The following PDS5B variants were observed in gnomAD, a reference collection of about 807,000 sequenced individuals.
PDS5B encodes the protein PDS5 cohesin associated factor B, also known as sister chromatid cohesion protein PDS5 homolog B.
In PDS5B, 51 loss-of-function variants were observed where a neutral mutation model predicts 184.1. The ratio of observed to expected loss-of-function variants is 0.28; its 90% CI spans 0.22 to 0.35. The LOEUF (loss-of-function observed/expected upper bound fraction) is 0.35, where lower values mean the gene tolerates loss of function less well. PDS5B is among the 10% of genes least tolerant of loss of function. The pLI is 1.00. For missense variants in PDS5B, 1,180 were observed against 1,723.3 expected (o/e 0.68, Z 5.58); for synonymous variants, 566 against 569.2 (o/e 0.99, Z 0.08).
chr13:32,653,069 C>T (rs1159006426), intron 3 of PDS5B, among the ~76,000 whole-genome samples: 3 of 152,018 alleles, frequency 2.0e-5, no homozygotes, highest in Non-Finnish European at 2.9e-5. Flanking sequence ...TGAGGTGGGC[C>T]GATCACCTGA....
intron 7 of PDS5B, 33 bp downstream of exon 7, chr13:32,667,877 A>G: frequency 7.7e-7 from 1 of 1,298,240 alleles, no homozygotes; most frequent in African/African-American, 1.5e-5. Flanking sequence ...TGTCAGAAGG[A>G]TTAAACTGAA....
At chr13:32,664,666 C>G (rs1475139149) in intron 6 of PDS5B, among the ~76,000 whole-genome samples, 1 of 152,050 alleles carries the variant, frequency 6.6e-6, no homozygotes, top group Non-Finnish European at 1.5e-5. Context: ...GAGTTTGAGA[C>G]CAGCCTGAAC....
At chr13:32,597,562 A>G (rs1176181006) in intron 1 of PDS5B, among the ~76,000 whole-genome samples, 1 of 146,482 alleles carries the variant, frequency 6.8e-6, no homozygotes, top group Non-Finnish European at 1.5e-5. Context: ...GCAGTGGCCC[A>G]TGCCTGTAAT....
intron 20 of PDS5B, among the ~76,000 whole-genome samples, chr13:32,733,006 T>C (rs1259369685): frequency 6.6e-6 from 1 of 152,198 alleles, no homozygotes; most frequent in Non-Finnish European, 1.5e-5. Flanking sequence ...AGAAAAGTAG[T>C]ATATCCTCCA....
chr13:32,613,641 TATC>T (rs1172664477), intron 1 of PDS5B, among the ~76,000 whole-genome samples: 1 of 152,260 alleles, frequency 6.6e-6, no homozygotes, highest in African/African-American at 2.4e-5. Flanking sequence ...ACAAGTGCCT[TATC>T]ATATATATGA....
chr13:32,776,520 T>C lies in PDS5B; in HGVS notation c.*1468T>C, dbSNP rs551862417. ...AAACTGTATTTTGAACCAAAACATA[T>C]AGGTTACTACTTAATGCTTACCTAA... On this transcript the variant is annotated 3_prime_UTR_variant, in exon 35 of 35. Transcript: ENST00000315596. 2.0e-5 allele frequency: 3 copies of C among 152,196 alleles called. No individual in the cohort carries two copies. Among genetic ancestry groups the C allele is most frequent in the South Asian group, 4.1e-4 (2 of 4,828 alleles). The allele number at this position is 152,196 out of a possible 1,614,324, so 9.4% of individuals were successfully genotyped here. A position where few individuals can be genotyped will look rare whatever the true frequency, so the allele number is the denominator to read the frequency against.
intron 19 of PDS5B, among the ~76,000 whole-genome samples, chr13:32,727,935 A>T (rs902886309): frequency 2.0e-5 from 3 of 151,328 alleles, no homozygotes; most frequent in African/African-American, 7.3e-5. Flanking sequence ...TGACTACTTG[A>T]TACTGTCTTA....
At chr13:32,596,071 A>T (rs2057861504) in intron 1 of PDS5B, among the ~76,000 whole-genome samples, 1 of 152,208 alleles carries the variant, frequency 6.6e-6, no homozygotes, top group African/African-American at 2.4e-5. Flanking sequence ...TTTTATTTTT[A>T]TTGAGGTGTA....
In PDS5B at chr13:32,706,940, T is replaced by A; in HGVS notation, c.1863T>A (p.Leu621=). ...VHIDTESISA[L]IKQVNKSIDG... ...TTTTTTGGTCATATTTTAGTGCTCT[T>A]ATTAAACAAGTGAACAAATCAATAG... Residue 621 remains leucine (L), a synonymous_variant, in exon 18 of 35, where the codon CTT becomes CTA. Transcript: ENST00000315596. The A allele has an allele frequency of 6.3e-7, 1 of 1,599,596 alleles. No individual in the cohort carries two copies. The highest frequency in any genetic ancestry group is 8.5e-7 in the Non-Finnish European group (1 of 1,173,312).
At chr13:32,626,288 C>T (rs559365237) in intron 1 of PDS5B, among the ~76,000 whole-genome samples, 41 of 152,254 alleles carry the variant, frequency 2.7e-4, no homozygotes, top group African/African-American at 9.4e-4. Flanking sequence ...TAAGCCAGAC[C>T]GTGGTCCTAT....
intron 31 of PDS5B, among the ~76,000 whole-genome samples, chr13:32,766,827 A>G (rs1283046130): frequency 1.3e-5 from 2 of 152,208 alleles, no homozygotes; most frequent in African/African-American, 2.4e-5. Context: ...GAAAGTAGAC[A>G]TTGGGTTTTC....
intron 1 of PDS5B, among the ~76,000 whole-genome samples, chr13:32,630,419 T>C (rs906995950): frequency 1.3e-5 from 2 of 152,116 alleles, no homozygotes; most frequent in Non-Finnish European, 2.9e-5. Flanking sequence ...TCATATCTAG[T>C]GAGTAGAGCC....
chr13:32,655,550 T>G lies in PDS5B; in HGVS notation c.313-2689T>G, dbSNP rs1950493011. 3.3e-5 allele frequency among the ~76,000 whole-genome samples: 5 copies of G among 151,134 alleles called. No individual in the cohort carries two copies. The South Asian group carries it at 1.1e-3, about 32-fold the overall frequency. Reference sequence around the variant, plus strand: ...CCCGTCACCACGCCCAGCTAATTTTTGTATTAGTAGAGTGGTTTTACCACG... The same window carrying G: ...CCCGTCACCACGCCCAGCTAATTTTGGTATTAGTAGAGTGGTTTTACCACG... On this transcript the variant is annotated intron_variant, in intron 3 of 34. Transcript: ENST00000315596.
At chr13:32,730,698 C>T (rs1020358834) in intron 19 of PDS5B, among the ~76,000 whole-genome samples, 9 of 152,024 alleles carry the variant, frequency 5.9e-5, no homozygotes, top group Admixed American at 5.9e-4. Context: ...ATTTTATTTT[C>T]TTTGTAGCAA....
chr13:32,757,389 TCTAGAA>T (rs1333921799), intron 26 of PDS5B, among the ~76,000 whole-genome samples: 1 of 152,170 alleles, frequency 6.6e-6, no homozygotes, highest in African/African-American at 2.4e-5. Context: ...TCTTTTCTGT[TCTAGAA>T]TAATACCTTG....
intron 1 of PDS5B, among the ~76,000 whole-genome samples, chr13:32,634,806 C>T (rs933416081): frequency 6.6e-6 from 1 of 152,148 alleles, no homozygotes; most frequent in East Asian, 1.9e-4. Flanking sequence ...TGGTCTCTAA[C>T]TCCTGACCTT....
chr13:32,715,487 T>C (rs115902939), intron 19 of PDS5B, among the ~76,000 whole-genome samples: 1,815 of 152,296 alleles, frequency 0.012, 42 homozygotes, highest in African/African-American at 0.042. Flanking sequence ...CTTTTAGATA[T>C]GGCTATGTAA....
At chr13:32,682,058 G>T (rs1044198286) in intron 10 of PDS5B, among the ~76,000 whole-genome samples, 6 of 152,118 alleles carry the variant, frequency 3.9e-5, no homozygotes, top group African/African-American at 1.4e-4. Flanking sequence ...TCTGCCACAG[G>T]GGTATATGGA....
Position 32,683,927 on chromosome 13 carries a change from T to A in PDS5B, c.1107T>A (p.Asp369Glu), listed in dbSNP as rs772008707. 2 of 1,595,540 alleles carry A rather than the reference T, an allele frequency of 1.3e-6. No homozygotes were observed. Residue 369 changes from aspartate (D) to glutamate (E), a missense_variant, in exon 11 of 35, where the codon GAT (aspartate) becomes GAA (glutamate). Asp to Glu is a conservative substitution (Grantham distance 45, BLOSUM62 2). Transcript: ENST00000315596. ...ACCCTGAGGAAGCTATTAGACATGATGTTATTGTGTCAATAGTTACAGCTG... is the reference window on the plus strand; with the variant it reads ...ACCCTGAGGAAGCTATTAGACATGAAGTTATTGTGTCAATAGTTACAGCTG... ...SHDPEEAIRH[D>E]VIVSIVTAAK...
Sources: gnomAD v4.1 joint callset for allele counts (sites outside exome capture counted in the v4.1 genomes callset) on GRCh38, gnomAD v4.1.1 for gene constraint, MANE v1.5 for transcripts, NCBI Gene and HGNC (gene_info 2026-07-23, HGNC 2026-07-21) for gene names.